The following MTOR variants were observed in gnomAD, a reference collection of about 807,000 sequenced individuals.
The protein encoded by MTOR is mechanistic target of rapamycin kinase.
A neutral mutation model predicts 319.8 loss-of-function variants in MTOR; 70 were observed. The observed-to-expected ratio is 0.22, with a 90% CI of 0.18 to 0.27. MTOR has a LOEUF of 0.27. Among genes scored for constraint, MTOR ranks in the 10% least tolerant of loss-of-function variants. The pLI is 1.00. For missense variants in MTOR, 1,890 were observed against 3,274.4 expected (o/e 0.58, Z 10.32); for synonymous variants, 1,183 against 1,211.4 (o/e 0.98, Z 0.49).
chr1:11,225,442 G>C (rs1227774636), intron 19 of MTOR, among the ~76,000 whole-genome samples: 2 of 134,234 alleles, frequency 1.5e-5, no homozygotes, highest in East Asian at 4.3e-4. Context: ...TTTTTTTTGA[G>C]ACAGAATCTT....
At position 11,260,495 on chromosome 1, in the gene MTOR, T is replaced by C. The variant is rs201881651; in HGVS notation, c.-14-1072A>G. ...AGGCAGAGGTTGCAGTGAGCTGAGA[T>C]TGGGCCATTGCACTACAGCCTGGGC... is the stretch of plus-strand genomic sequence containing the variant. On this transcript the variant is annotated intron_variant, in intron 1 of 57. Transcript: ENST00000361445. Among the ~76,000 whole-genome samples the C allele has an allele frequency of 1.6e-4, 24 of 151,368 alleles. No individual in the cohort carries two copies. The East Asian group carries it at 4.1e-3, about 26-fold the overall frequency.
intron 47 of MTOR, 75 bp from the exon 48 acceptor site, chr1:11,122,201 A>G: frequency 6.5e-7 from 1 of 1,530,122 alleles, no homozygotes; most frequent in Non-Finnish European, 8.8e-7. Context: ...ACACAGGCAG[A>G]CTGTTTTTTT....
rs1643881133 is a variant in MTOR at position 11,144,872 on chromosome 1, T to C, written c.4764+96A>G. ...ATCTGCCGATCAGAGAAAACAGGCATGTTTCCAGCAGCCTGTAAGTTCTCA... is the reference window on the plus strand; with the variant it reads ...ATCTGCCGATCAGAGAAAACAGGCACGTTTCCAGCAGCCTGTAAGTTCTCA... On this transcript the variant is annotated intron_variant, in intron 33 of 57. Coordinates refer to ENST00000361445, the MANE Select transcript of MTOR (RefSeq NM_004958.4). The C allele has an allele frequency of 3.3e-6, 5 of 1,506,574 alleles. No individual in the cohort carries two copies. In the Admixed American group the frequency reaches 8.4e-5, roughly 25 times the overall value. 93.3% of individuals were successfully genotyped at this position (1,506,574 alleles called of 1,614,324 possible). A position where few individuals can be genotyped will look rare whatever the true frequency, so the allele number is the denominator to read the frequency against.
At chr1:11,165,903 C>T (rs1364235821) in intron 29 of MTOR, among the ~76,000 whole-genome samples, 2 of 152,138 alleles carry the variant, frequency 1.3e-5, no homozygotes, top group African/African-American at 4.8e-5. Context: ...GAGATATAGA[C>T]CAATGGAACA....
Position 11,257,178 on chromosome 1 carries a change from G to A in MTOR, c.272-13C>T, listed in dbSNP as rs181910199. The A allele has an allele frequency of 6.2e-7, 1 of 1,606,044 alleles. No homozygotes were observed. The highest frequency in any genetic ancestry group is 1.3e-5 in the African/African-American group (1 of 74,814). ...CCTATGAGGCTAGCTGCAAAAGAGA[G>A]GAAGGCAAAAGGTGATGATGGGGCG... On this transcript the variant is annotated splice_polypyrimidine_tract_variant and intron_variant, in intron 3 of 57. Coordinates refer to ENST00000361445, the MANE Select transcript of MTOR (RefSeq NM_004958.4).
At chr1:11,221,685 G>C (rs753142626) in intron 19 of MTOR, among the ~76,000 whole-genome samples, 8 of 147,232 alleles carry the variant, frequency 5.4e-5, no homozygotes, top group Non-Finnish European at 8.9e-5. Context: ...TGCCTGCAAT[G>C]AACAGAAATA....
intron 30 of MTOR, 146 bp from the exon 31 acceptor site, chr1:11,150,372 A>C: frequency 1.6e-6 from 1 of 622,902 alleles, no homozygotes; most frequent in South Asian, 2.1e-5. Flanking sequence ...CACATAATAG[A>C]GAATCAATGG....
chr1:11,199,240 A>T lies in MTOR; in HGVS notation c.4253+18T>A, dbSNP rs762827261. Reference sequence around the variant, plus strand: ...CATTTTGCATGAAGGCAGCAATTAAAAAGGGTTTATGGCCTACCTGATGAG... The same window carrying T: ...CATTTTGCATGAAGGCAGCAATTAATAAGGGTTTATGGCCTACCTGATGAG... On this transcript the variant is annotated intron_variant, in intron 28 of 57. Transcript: ENST00000361445. The surrounding 1 kb of genome is among the most constrained non-coding windows in gnomAD (Gnocchi z 4.5). The T allele has an allele frequency of 6.2e-7, 1 of 1,614,160 alleles. No homozygotes were observed. Among genetic ancestry groups the T allele is most frequent in the Non-Finnish European group, 8.5e-7 (1 of 1,180,008 alleles).
At chr1:11,241,083 G>A (rs1221171267) in intron 10 of MTOR, among the ~76,000 whole-genome samples, 1 of 151,722 alleles carries the variant, frequency 6.6e-6, no homozygotes, top group East Asian at 1.9e-4. Context: ...AGCACTTTGG[G>A]AGCCGAGGTG....
rs902981070 is a variant in MTOR at position 11,118,243 on chromosome 1, T to C, written c.6934-1157A>G. ...AACTTAGTTAATTTTTTTTTTTTTTTTTTTTTTTTTTTGGACAGAGTCTTG... is the reference window on the plus strand; with the variant it reads ...AACTTAGTTAATTTTTTTTTTTTTTCTTTTTTTTTTTTGGACAGAGTCTTG... On this transcript the variant is annotated intron_variant, in intron 49 of 57. Coordinates refer to ENST00000361445, the MANE Select transcript of MTOR (RefSeq NM_004958.4). Among the ~76,000 whole-genome samples the C allele has an allele frequency of 9.6e-5, 13 of 135,318 alleles. No homozygotes were observed. The South Asian group carries it at 9.6e-4, about 10-fold the overall frequency. 88.8% of individuals were successfully genotyped at this position (135,318 alleles called of 152,430 possible). A position where few individuals can be genotyped will look rare whatever the true frequency, so the allele number is the denominator to read the frequency against.
intron 20 of MTOR, 120 bp downstream of exon 20, chr1:11,216,028 G>C: frequency 3.1e-6 from 2 of 645,504 alleles, no homozygotes; most frequent in Non-Finnish European, 5.3e-6. Context: ...TCCACTTCCT[G>C]TACTAAGACT....
intron 29 of MTOR, among the ~76,000 whole-genome samples, chr1:11,163,674 T>C (rs1420700652): frequency 2.6e-5 from 4 of 152,226 alleles, no homozygotes; most frequent in African/African-American, 7.2e-5. Flanking sequence ...AACCTGCTCC[T>C]GAATGACTAC....
At chr1:11,160,075 C>CATTT (rs70977549) in intron 29 of MTOR, among the ~76,000 whole-genome samples, 39,996 of 143,148 alleles carry the variant, frequency 0.28, 5,795 homozygotes, top group Admixed American at 0.33. Flanking sequence ...TCAATTATAG[C>CATTT]ATTTATTTAT....
intron 17 of MTOR, 116 bp downstream of exon 17, chr1:11,231,184 T>G: frequency 6.3e-7 from 1 of 1,582,458 alleles, no homozygotes; most frequent in East Asian, 2.2e-5. Context: ...TGAACAAAAT[T>G]GGAGAGGGAC....
At chr1:11,209,291 C>T (rs2100781665) in intron 25 of MTOR, 21 bp downstream of exon 25, 1 of 1,613,958 alleles carries the variant, frequency 6.2e-7, no homozygotes, top group East Asian at 2.2e-5. Context: ...CTTTCCCAGT[C>T]ACCTGAAACA....
chr1:11,191,364 T>C (rs998720429), intron 28 of MTOR, among the ~76,000 whole-genome samples: 1 of 152,194 alleles, frequency 6.6e-6, no homozygotes, highest in Non-Finnish European at 1.5e-5. Context: ...GCACACGTAC[T>C]CTACCTCCCT....
intron 25 of MTOR, 43 bp from the exon 26 acceptor site, chr1:11,204,746 G>A: frequency 6.3e-7 from 1 of 1,581,348 alleles, no homozygotes; most frequent in Non-Finnish European, 8.6e-7. Context: ...CAGTTTCAAG[G>A]GCCAATTGAA....
intron 28 of MTOR, among the ~76,000 whole-genome samples, chr1:11,196,370 A>T (rs938443407): frequency 5.9e-5 from 9 of 152,290 alleles, no homozygotes; most frequent in Non-Finnish European, 8.8e-5. Context: ...ATATTTACTG[A>T]TATGTGAGCT....
rs1645885104 is a variant in MTOR, at chr1:11,199,238, A to G, written c.4253+20T>C. On this transcript the variant is annotated intron_variant, in intron 28 of 57. Coordinates refer to ENST00000361445, the MANE Select transcript of MTOR (RefSeq NM_004958.4). The surrounding 1 kb of genome is among the most constrained non-coding windows in gnomAD (Gnocchi z 4.5). ...GTCATTTTGCATGAAGGCAGCAATT[A>G]AAAAGGGTTTATGGCCTACCTGATG... 6.2e-7 allele frequency: 1 copy of G among 1,613,998 alleles called. No homozygotes were observed. Among genetic ancestry groups the G allele is most frequent in the African/African-American group, 1.3e-5 (1 of 74,922 alleles).
Sources: gnomAD v4.1 joint callset for allele counts (sites outside exome capture counted in the v4.1 genomes callset) on GRCh38, gnomAD v4.1.1 for gene constraint, Gnocchi (gnomAD v3.1) non-coding constraint, MANE v1.5 for transcripts, NCBI Gene and HGNC (gene_info 2026-07-23, HGNC 2026-07-21) for gene names.